Variants in HHIPL1 observed in about 807,000 individuals in gnomAD.
HHIPL1 encodes HHIP like 1, also known as HHIP-like protein 1.
Under a neutral mutation model 61.8 loss-of-function variants are expected in HHIPL1, and 43 were observed. The ratio of observed to expected loss-of-function variants is 0.70; its 90% CI spans 0.55 to 0.90. The LOEUF (loss-of-function observed/expected upper bound fraction) is 0.90, where lower values mean the gene tolerates loss of function less well. Ranked by LOEUF, HHIPL1 falls within the 40% of genes least tolerant of loss-of-function variation. The pLI is 0.00. For missense variants in HHIPL1, 1,056 were observed against 1,157.7 expected (o/e 0.91, Z 1.28); for synonymous variants, 482 against 515.8 (o/e 0.93, Z 0.89).
At chr14:99,630,593 G>A in the HHIPL1 span, among the ~76,000 whole-genome samples, 1 of 152,230 alleles carries the variant, frequency 6.6e-6, no homozygotes, top group African/African-American at 2.4e-5. Flanking sequence ...TGTGGGGTGT[G>A]GAGGGAGCCC....
At chr14:99,644,509 G>C (rs1021599148), upstream of HHIPL1, among the ~76,000 whole-genome samples, 8 of 152,054 alleles carry the variant, frequency 5.3e-5, no homozygotes, top group African/African-American at 9.7e-5. Context: ...CGGGGGCAGC[G>C]GAACAAAGGG....
At chr14:99,606,155 A>T in the HHIPL1 span, among the ~76,000 whole-genome samples, 1 of 152,058 alleles carries the variant, frequency 6.6e-6, no homozygotes, top group Admixed American at 6.5e-5. Flanking sequence ...TGGGGAGAGG[A>T]TGGGCTGAGC....
upstream of HHIPL1, among the ~76,000 whole-genome samples, chr14:99,642,515 A>C (rs535566861): frequency 1.3e-5 from 2 of 148,844 alleles, no homozygotes; most frequent in Non-Finnish European, 3.0e-5. Flanking sequence ...TTGACTTTTA[A>C]TATATCTTTT....
At chr14:99,645,540 G>C in intron 1 of HHIPL1, 78 bp downstream of exon 1, 3 of 1,228,096 alleles carry the variant, frequency 2.4e-6, no homozygotes, top group Non-Finnish European at 3.0e-6. Flanking sequence ...ACCCCGCGGG[G>C]GCGAGGGCCA....
chr14:99,609,633 G>C, the HHIPL1 span, among the ~76,000 whole-genome samples: 2 of 152,204 alleles, frequency 1.3e-5, no homozygotes, highest in East Asian at 1.9e-4. Flanking sequence ...ATGAAGCTGG[G>C]ACTGCCAGTT....
chr14:99,669,161 G>T, intron 7 of HHIPL1: 1 of 1,345,616 alleles, frequency 7.4e-7, no homozygotes, highest in Non-Finnish European at 9.5e-7. Flanking sequence ...GCTGCTCTGG[G>T]AGTCTCAGGG....
At chr14:99,658,773 C>A (rs1163455820) in intron 3 of HHIPL1, among the ~76,000 whole-genome samples, 5 of 151,200 alleles carry the variant, frequency 3.3e-5, no homozygotes, top group Non-Finnish European at 7.4e-5. Flanking sequence ...TCCCCACCAA[C>A]CCGCACGCTG....
chr14:99,642,782 C>T (rs184495537), upstream of HHIPL1, among the ~76,000 whole-genome samples: 1 of 152,120 alleles, frequency 6.6e-6, no homozygotes, highest in South Asian at 2.1e-4. Flanking sequence ...CCTTGGCCTC[C>T]CAAAGTGCTG....
In HHIPL1 at chr14:99,668,816, C is replaced by G; in HGVS notation, c.1730+513C>G. On this transcript the variant is annotated intron_variant, in intron 7 of 8. Coordinates refer to ENST00000330710, the MANE Select transcript of HHIPL1 (RefSeq NM_001127258.3). This position sits in a 1 kb window ranked among gnomAD's most constrained non-coding sequence, Gnocchi z 4.7. ...GGCTCCCTTCGCCGGCTCCATCTCC[C>G]CGGCTTCCCTTCTAGCTGTAAGGCC... 6.2e-7 allele frequency: 1 copy of G among 1,612,858 alleles called. No individual in the cohort carries two copies. Among genetic ancestry groups the G allele is most frequent in the East Asian group, 2.2e-5 (1 of 44,872 alleles).
At chr14:99,615,399 A>C in the HHIPL1 span, among the ~76,000 whole-genome samples, 2 of 151,944 alleles carry the variant, frequency 1.3e-5, no homozygotes, top group African/African-American at 4.8e-5. Context: ...ATTCAAAAAT[A>C]TGGGCTTGGT....
intron 5 of HHIPL1, among the ~76,000 whole-genome samples, chr14:99,661,378 GGAAA>G (rs1436193122): frequency 1.4e-5 from 2 of 145,630 alleles, no homozygotes; most frequent in Non-Finnish European, 3.0e-5. Context: ...AATCTAGTGT[GGAAA>G]GAAAGAAAGA....
chr14:99,677,194 A>T lies in HHIPL1; in HGVS notation c.*1568A>T, dbSNP rs983967836. On this transcript the variant is annotated 3_prime_UTR_variant, in exon 9 of 9. Coordinates refer to ENST00000330710, the MANE Select transcript of HHIPL1 (RefSeq NM_001127258.3). The surrounding 1 kb of genome is among the most constrained non-coding windows in gnomAD (Gnocchi z 4.3). ...GCTTTACAGAATGGGAAACTGAGGC[A>T]CACAGAGGTTAGATATCTTAGGGCA... 1 of 152,434 alleles carries T rather than the reference A, an allele frequency of 6.6e-6. No homozygotes were observed. Among genetic ancestry groups the T allele is most frequent in the Non-Finnish European group, 1.5e-5 (1 of 68,202 alleles). The allele number at this position is 152,434 out of a possible 1,614,324, so 9.4% of individuals were successfully genotyped here.
the HHIPL1 span, among the ~76,000 whole-genome samples, chr14:99,605,623 G>A: frequency 6.6e-6 from 1 of 152,274 alleles, no homozygotes; most frequent in Admixed American, 6.5e-5. Context: ...CCTGGGAGCA[G>A]GATGGGGAGA....
chr14:99,669,336 T>C (rs2056300551), intron 7 of HHIPL1: 2 of 1,012,760 alleles, frequency 2.0e-6, no homozygotes, highest in Non-Finnish European at 2.4e-6. Context: ...AGTCTGAACG[T>C]CTCTTCAACA....
At chr14:99,606,219 A>C in the HHIPL1 span, among the ~76,000 whole-genome samples, 4 of 152,294 alleles carry the variant, frequency 2.6e-5, no homozygotes, top group South Asian at 6.2e-4. Flanking sequence ...GGCCCTGCCC[A>C]AGAGAACCAG....
chr14:99,637,343 C>A, the HHIPL1 span, among the ~76,000 whole-genome samples: 1 of 152,112 alleles, frequency 6.6e-6, no homozygotes, highest in Non-Finnish European at 1.5e-5. Flanking sequence ...AGGCAGATCA[C>A]TTGAGGTCAG....
chr14:99,664,581 G>A (rs549891404), intron 6 of HHIPL1, among the ~76,000 whole-genome samples: 1 of 152,140 alleles, frequency 6.6e-6, no homozygotes, highest in East Asian at 1.9e-4. Context: ...AGAGCCCGGA[G>A]CCCTGGGGTC....
upstream of HHIPL1, among the ~76,000 whole-genome samples, chr14:99,640,193 A>G (rs550021466): frequency 1.3e-3 from 199 of 152,342 alleles, no homozygotes; most frequent in Non-Finnish European, 9.4e-4. Context: ...CTTTTAAAGC[A>G]TATCAATTAT....
At chr14:99,652,039 C>T (rs2055939319) in intron 1 of HHIPL1, among the ~76,000 whole-genome samples, 185 bp from the exon 2 acceptor site, 1 of 152,188 alleles carries the variant, frequency 6.6e-6, no homozygotes, top group East Asian at 1.9e-4. Flanking sequence ...CTAACAACAA[C>T]ACAAACATTA....
Sources: gnomAD v4.1 joint callset for allele counts (sites outside exome capture counted in the v4.1 genomes callset) on GRCh38, gnomAD v4.1.1 for gene constraint, Gnocchi (gnomAD v3.1) non-coding constraint, MANE v1.5 for transcripts, NCBI Gene and HGNC (gene_info 2026-07-23, HGNC 2026-07-21) for gene names.